The following ADGRB3 variants were observed in gnomAD, a reference collection of about 807,000 sequenced individuals.
The protein encoded by ADGRB3 is adhesion G protein-coupled receptor B3.
ADGRB3 carries 37 observed loss-of-function variants against 193.4 expected under a neutral mutation model. The observed-to-expected ratio is 0.19, with a 90% CI of 0.15 to 0.25. The LOEUF is 0.25. Ranked by LOEUF, ADGRB3 falls within the 10% of genes least tolerant of loss-of-function variation. ADGRB3 has a pLI of 1.00. For missense variants in ADGRB3, 1,637 were observed against 1,852.9 expected (o/e 0.88, Z 2.14); for synonymous variants, 690 against 644.2 (o/e 1.07, Z -1.08).
At chr6:68,685,447 CATAGAAAAA>C (rs776819801) in intron 3 of ADGRB3, among the ~76,000 whole-genome samples, 8 of 151,672 alleles carry the variant, frequency 5.3e-5, no homozygotes, top group Non-Finnish European at 1.2e-4. Context: ...AGCAATAGAA[CATAGAAAAA>C]ATAGAAAGAC....
intron 4 of ADGRB3, 148 bp downstream of exon 4, chr6:68,930,817 A>G (rs1189586696): frequency 2.0e-5 from 12 of 611,494 alleles, no homozygotes; most frequent in Non-Finnish European, 3.1e-5. Context: ...AAGTCCATAA[A>G]TAAAGTAGCT....
intron 17 of ADGRB3, among the ~76,000 whole-genome samples, chr6:69,129,789 G>A (rs1773954635): frequency 6.6e-6 from 1 of 152,072 alleles, no homozygotes; most frequent in South Asian, 2.1e-4. Context: ...TAATCATTGA[G>A]TCTTTACATT....
At chr6:68,974,974 T>C in intron 9 of ADGRB3, 110 bp downstream of exon 9, 1 of 910,796 alleles carries the variant, frequency 1.1e-6, no homozygotes. Context: ...AATAAGTCTG[T>C]CCAATAAGCA....
At chr6:69,326,084 A>C (rs1361102808) in intron 21 of ADGRB3, among the ~76,000 whole-genome samples, 1 of 152,138 alleles carries the variant, frequency 6.6e-6, no homozygotes, top group Non-Finnish European at 1.5e-5. Flanking sequence ...TCTACCAAAA[A>C]TGCAAAAAAT....
chr6:69,291,537 G>A (rs539838968), intron 20 of ADGRB3, among the ~76,000 whole-genome samples: 5 of 152,012 alleles, frequency 3.3e-5, no homozygotes, highest in East Asian at 3.9e-4. Flanking sequence ...AAATTCTAAC[G>A]CCCTTAGTAT....
chr6:69,365,156 C>T (rs923488915), intron 29 of ADGRB3, among the ~76,000 whole-genome samples: 1 of 152,066 alleles, frequency 6.6e-6, no homozygotes, highest in Non-Finnish European at 1.5e-5. Context: ...CCATTCTTCA[C>T]TCTTTTCCCT....
In ADGRB3 at chr6:68,745,311, T is replaced by C. The variant is rs116538320; in HGVS notation, c.757+105879T>C. Among the ~76,000 whole-genome samples, 61 of 152,320 alleles carry C rather than the reference T, an allele frequency of 4.0e-4. 1 individual carries two copies. The highest frequency in any genetic ancestry group is 1.4e-3 in the African/African-American group (58 of 41,580). On this transcript the variant is annotated intron_variant, in intron 3 of 31. Coordinates refer to ENST00000370598, the MANE Select transcript of ADGRB3 (RefSeq NM_001704.3). ...CATAAGCAACAACATGGATGAAGCC[T>C]GAGGACATTATGCTAAGTGAAATAA...
At chr6:69,065,537 C>T (rs1025625491) in intron 16 of ADGRB3, among the ~76,000 whole-genome samples, 2 of 151,890 alleles carry the variant, frequency 1.3e-5, no homozygotes, top group Admixed American at 6.6e-5. Context: ...GGAAGTATTA[C>T]TGTTCACTAA....
intron 3 of ADGRB3, among the ~76,000 whole-genome samples, chr6:68,723,334 A>C (rs1765616481): frequency 6.6e-6 from 1 of 151,690 alleles, no homozygotes; most frequent in African/African-American, 2.4e-5. Context: ...TAATGGATTC[A>C]GTGAAATCAC....
intron 11 of ADGRB3, among the ~76,000 whole-genome samples, chr6:68,999,063 G>A (rs1003052863): frequency 1.7e-4 from 26 of 152,106 alleles, no homozygotes; most frequent in African/African-American, 6.3e-4. Flanking sequence ...TGATTTATGA[G>A]ATGTTAAAAT....
At chr6:69,032,616 T>G (rs1770745914) in intron 13 of ADGRB3, among the ~76,000 whole-genome samples, 1 of 152,240 alleles carries the variant, frequency 6.6e-6, no homozygotes, top group South Asian at 2.1e-4. Context: ...TTCAAAAATC[T>G]TATTTTGTTT....
intron 17 of ADGRB3, among the ~76,000 whole-genome samples, chr6:69,220,539 CA>C: frequency 6.6e-6 from 1 of 152,110 alleles, no homozygotes; most frequent in East Asian, 1.9e-4. Flanking sequence ...AGAGCAGTAG[CA>C]GGCTGAAACT....
At chr6:69,148,337 A>G (rs913847424) in intron 17 of ADGRB3, among the ~76,000 whole-genome samples, 1 of 152,144 alleles carries the variant, frequency 6.6e-6, no homozygotes, top group African/African-American at 2.4e-5. Flanking sequence ...GACTTGCAAT[A>G]ATGTCTTATA....
intron 29 of ADGRB3, among the ~76,000 whole-genome samples, chr6:69,366,178 C>G (rs1562000623): frequency 6.6e-6 from 1 of 151,920 alleles, no homozygotes; most frequent in East Asian, 1.9e-4. Flanking sequence ...AAAACTTGCC[C>G]TTTTTTACTG....
At chr6:69,039,410 G>A (rs1241162356) in intron 13 of ADGRB3, among the ~76,000 whole-genome samples, 1 of 152,144 alleles carries the variant, frequency 6.6e-6, no homozygotes, top group Non-Finnish European at 1.5e-5. Flanking sequence ...CATATCCTCT[G>A]TGGATAAGGG....
chr6:69,295,585 A>G (rs1303571879), intron 20 of ADGRB3, among the ~76,000 whole-genome samples: 3 of 152,232 alleles, frequency 2.0e-5, no homozygotes, highest in East Asian at 1.9e-4. Context: ...ATGTTTTTAT[A>G]CCATAAACCC....
chr6:68,910,721 T>C (rs997905445), intron 3 of ADGRB3, among the ~76,000 whole-genome samples: 1 of 152,236 alleles, frequency 6.6e-6, no homozygotes, highest in Non-Finnish European at 1.5e-5. Context: ...GTTGTAGATA[T>C]GTGGCATTAT....
At chr6:68,886,847 C>T (rs1254362906) in intron 3 of ADGRB3, among the ~76,000 whole-genome samples, 3 of 151,740 alleles carry the variant, frequency 2.0e-5, no homozygotes, top group African/African-American at 7.3e-5. Flanking sequence ...TGTTCTGTGA[C>T]CTGCTTTTTC....
At position 68,950,132 on chromosome 6, in the gene ADGRB3, T is replaced by G. The variant is rs565975741; in HGVS notation, c.1196-5892T>G. 2.0e-5 allele frequency among the ~76,000 whole-genome samples: 3 copies of G among 152,166 alleles called. No homozygotes were observed. The East Asian group carries it at 5.8e-4, about 30-fold the overall frequency. The stretch of plus-strand genomic sequence containing the variant: ...GTGCAGTGGCATGATTTTATCTCAT[T>G]GTACCTGGGAATCCTGGGCTCAAGC... On this transcript the variant is annotated intron_variant, in intron 6 of 31. Transcript: ENST00000370598.
Sources: allele counts gnomAD v4.1 joint callset (sites outside exome capture counted in the v4.1 genomes callset), GRCh38; gene constraint gnomAD v4.1.1; transcripts MANE v1.5; gene names NCBI Gene and HGNC (gene_info 2026-07-23, HGNC 2026-07-21).